CALN1: variants seen among roughly 807,000 people sequenced by gnomAD.
CALN1 encodes the protein calneuron 1.
In CALN1, 17 loss-of-function variants were observed where a neutral mutation model predicts 30.6. The ratio of observed to expected loss-of-function variants is 0.56; its 90% confidence interval spans 0.38 to 0.83. CALN1 has a LOEUF of 0.83. CALN1 is among the 40% of genes least tolerant of loss of function. CALN1 has a pLI of 0.00. For synonymous variants in CALN1, 156 were observed against 131.4 expected (o/e 1.19, Z -1.28); for missense variants, 291 against 354.9 (o/e 0.82, Z 1.45).
intron 3 of CALN1, among the ~76,000 whole-genome samples, chr7:72,161,898 T>C (rs1788139488): frequency 1.3e-5 from 2 of 151,900 alleles, no homozygotes; most frequent in South Asian, 4.2e-4. Context: ...CCTGCACATG[T>C]AGCCCTGAGC....
the CALN1 span, among the ~76,000 whole-genome samples, chr7:72,468,842 T>C: frequency 7.2e-5 from 11 of 152,244 alleles, no homozygotes; most frequent in Non-Finnish European, 1.5e-4. Flanking sequence ...TGCTTGTTGA[T>C]AATTTTTATA....
chr7:72,356,522 A>G (rs1301341507), intron 2 of CALN1, among the ~76,000 whole-genome samples: 2 of 151,952 alleles, frequency 1.3e-5, no homozygotes, highest in Non-Finnish European at 2.9e-5. Context: ...GTCTCTAGGG[A>G]TATCACTAAA....
At chr7:72,396,770 G>A (rs1177535747) in intron 2 of CALN1, among the ~76,000 whole-genome samples, 4 of 152,224 alleles carry the variant, frequency 2.6e-5, no homozygotes, top group South Asian at 2.1e-4. Context: ...CAAGTGAGTC[G>A]GGGTTGAAAT....
intron 2 of CALN1, among the ~76,000 whole-genome samples, chr7:72,328,312 A>G (rs1055306780): frequency 6.6e-6 from 1 of 152,144 alleles, no homozygotes; most frequent in South Asian, 2.1e-4. Flanking sequence ...GGTTTCCCCC[A>G]TACTGTTCTC....
chr7:72,476,813 G>A, the CALN1 span, among the ~76,000 whole-genome samples: 1 of 152,188 alleles, frequency 6.6e-6, no homozygotes, highest in Non-Finnish European at 1.5e-5. Context: ...AATCAGACAG[G>A]GGCAGAGTCC....
chr7:72,093,117 A>G (rs1805986768), intron 4 of CALN1, among the ~76,000 whole-genome samples: 1 of 152,184 alleles, frequency 6.6e-6, no homozygotes. Flanking sequence ...ACCAATCAAT[A>G]TATTTAAAAA....
At chr7:71,856,386 T>A (rs1396041970) in intron 5 of CALN1, among the ~76,000 whole-genome samples, 3 of 152,050 alleles carry the variant, frequency 2.0e-5, no homozygotes, top group Non-Finnish European at 1.5e-5. Context: ...CCTCCAGGGC[T>A]CAAGCAATCC....
intron 5 of CALN1, among the ~76,000 whole-genome samples, chr7:71,843,661 T>C (rs147275710): frequency 6.4e-4 from 97 of 152,170 alleles, no homozygotes; most frequent in Middle Eastern, 3.4e-3. Flanking sequence ...AGAGCTAAGC[T>C]AAGCTCCTCA....
chr7:72,346,645 A>G (rs1382940125), intron 2 of CALN1, among the ~76,000 whole-genome samples: 1 of 152,054 alleles, frequency 6.6e-6, no homozygotes, highest in East Asian at 1.9e-4. Flanking sequence ...CCTCCCGAGT[A>G]GTTGGGGTTA....
chr7:71,868,742 G>A (rs1214344455), intron 5 of CALN1, among the ~76,000 whole-genome samples: 3 of 151,990 alleles, frequency 2.0e-5, no homozygotes, highest in Non-Finnish European at 2.9e-5. Context: ...CCTCCCCCCA[G>A]GTCCTACCTC....
chr7:72,063,816 A>G (rs1454038859), intron 4 of CALN1, among the ~76,000 whole-genome samples: 3 of 152,180 alleles, frequency 2.0e-5, no homozygotes, highest in Non-Finnish European at 4.4e-5. Flanking sequence ...ATGCCCAATC[A>G]GTAAGTATAA....
intron 2 of CALN1, among the ~76,000 whole-genome samples, chr7:72,280,447 T>A (rs1478493940): frequency 6.6e-6 from 1 of 152,200 alleles, no homozygotes; most frequent in Admixed American, 6.5e-5. Flanking sequence ...CTTCAGCTAG[T>A]TACAAGTGAG....
chr7:72,363,724 CTTT>C (rs66989275), intron 2 of CALN1, among the ~76,000 whole-genome samples: 25 of 111,846 alleles, frequency 2.2e-4, no homozygotes, highest in Non-Finnish European at 2.6e-4. Context: ...TTAAAAAAAA[CTTT>C]TTTTTTTTTT....
chr7:72,185,693 T>C lies in CALN1; in HGVS notation c.245-79399A>G, dbSNP rs561042854. Among the ~76,000 whole-genome samples, 5 of 152,284 alleles carry C rather than the reference T, an allele frequency of 3.3e-5. No homozygotes were observed. The South Asian group carries it at 1.0e-3, about 32-fold the overall frequency. On this transcript the variant is annotated intron_variant, in intron 3 of 6. Coordinates refer to ENST00000395275, the MANE Select transcript of CALN1 (RefSeq NM_031468.4). ...GTTGTGGGAGGGACACAGTGGGAGATAATTGAATCATGGGGGCGGTTTTCC... is the reference window on the plus strand; with the variant it reads ...GTTGTGGGAGGGACACAGTGGGAGACAATTGAATCATGGGGGCGGTTTTCC...
intron 2 of CALN1, among the ~76,000 whole-genome samples, chr7:72,307,105 CTTTTTGT>C (rs1402947247): frequency 6.6e-6 from 1 of 152,106 alleles, no homozygotes; most frequent in Admixed American, 6.6e-5. Context: ...TTGGTTTTTG[CTTTTTGT>C]AATTTTTTTT....
chr7:71,842,123 G>A (rs1427576344), intron 5 of CALN1, among the ~76,000 whole-genome samples: 1 of 152,160 alleles, frequency 6.6e-6, no homozygotes, highest in African/African-American at 2.4e-5. Context: ...GGAGGCTGGA[G>A]ATAGCTAGAT....
At chr7:72,403,011 T>TCCC (rs1317025368) in intron 2 of CALN1, among the ~76,000 whole-genome samples, 3 of 152,138 alleles carry the variant, frequency 2.0e-5, no homozygotes, top group Non-Finnish European at 4.4e-5. Context: ...AGCATGTCCC[T>TCCC]CCCCAAGAGT....
intron 4 of CALN1, among the ~76,000 whole-genome samples, chr7:72,065,911 G>GA (rs1272690839): frequency 1.3e-5 from 2 of 151,224 alleles, no homozygotes; most frequent in Non-Finnish European, 2.9e-5. Flanking sequence ...GAAAAGAAAA[G>GA]AAAAAAAGAA....
At chr7:72,271,817 C>A (rs1446502532) in intron 3 of CALN1, among the ~76,000 whole-genome samples, 2 of 151,438 alleles carry the variant, frequency 1.3e-5, no homozygotes, top group Non-Finnish European at 2.9e-5. Context: ...AATCCCAGCA[C>A]TTTGGAGGCT....
Sources: allele counts gnomAD v4.1 joint callset (sites outside exome capture counted in the v4.1 genomes callset), GRCh38; gene constraint gnomAD v4.1.1; transcripts MANE v1.5; gene names NCBI Gene and HGNC (gene_info 2026-07-23, HGNC 2026-07-21).